Variants in PTPRC observed in about 807,000 individuals in gnomAD.
PTPRC encodes receptor-type tyrosine-protein phosphatase C.
A neutral mutation model predicts 155.9 loss-of-function variants in PTPRC; 44 were observed. That is an observed-to-expected ratio of 0.28 (90% confidence interval 0.22 to 0.36). PTPRC has a LOEUF of 0.36. Ranked by LOEUF, PTPRC falls within the 10% of genes least tolerant of loss-of-function variation. The pLI is 1.00. For synonymous variants in PTPRC, 525 were observed against 533.1 expected (o/e 0.98, Z 0.21); for missense variants, 1,401 against 1,564.6 (o/e 0.90, Z 1.76).
intron 29 of PTPRC, among the ~76,000 whole-genome samples, chr1:198,751,352 G>T (rs923609338): frequency 4.6e-5 from 7 of 151,562 alleles, no homozygotes; most frequent in Non-Finnish European, 1.5e-5. Context: ...CCTGGTGGTA[G>T]ATCTCACTCA....
intron 3 of PTPRC, chr1:198,692,672 A>G (rs550625564): frequency 2.1e-6 from 2 of 946,626 alleles, no homozygotes; most frequent in South Asian, 4.9e-5. Flanking sequence ...TTTTAAGACT[A>G]TAAAAAAATG....
intron 2 of PTPRC, among the ~76,000 whole-genome samples, chr1:198,642,354 G>GTCAA (rs1007418078): frequency 3.9e-5 from 4 of 103,530 alleles, no homozygotes; most frequent in African/African-American, 1.1e-4. Context: ...ATATATACTA[G>GTCAA]TCAATCTATC....
chr1:198,698,365 T>C (rs1666307154), intron 4 of PTPRC, among the ~76,000 whole-genome samples: 1 of 152,174 alleles, frequency 6.6e-6, no homozygotes, highest in African/African-American at 2.4e-5. Flanking sequence ...AAAAACACAC[T>C]TTCTTTTCTA....
At chr1:198,740,581 CA>C (rs34564064) in intron 23 of PTPRC, among the ~76,000 whole-genome samples, 3 of 149,118 alleles carry the variant, frequency 2.0e-5, no homozygotes, top group African/African-American at 5.0e-5. Context: ...GACTTTATCT[CA>C]AAAAAAAAGA....
intron 2 of PTPRC, among the ~76,000 whole-genome samples, chr1:198,652,972 T>C (rs1663339503): frequency 6.6e-6 from 1 of 151,790 alleles, no homozygotes. Flanking sequence ...AGATACAATA[T>C]AAGAAGTACT....
chr1:198,712,270 C>T (rs985434590), intron 11 of PTPRC, among the ~76,000 whole-genome samples: 2 of 152,132 alleles, frequency 1.3e-5, no homozygotes, highest in Middle Eastern at 3.2e-3. Flanking sequence ...TATTTACATG[C>T]AATGGGTAAA....
intron 2 of PTPRC, among the ~76,000 whole-genome samples, chr1:198,665,528 GA>G (rs752737422): frequency 6.6e-6 from 1 of 152,156 alleles, no homozygotes; most frequent in Non-Finnish European, 1.5e-5. Context: ...CATATACAGA[GA>G]AGTTTTGCAA....
At chr1:198,711,739 A>G (rs1307801562) in intron 11 of PTPRC, among the ~76,000 whole-genome samples, 5 of 152,218 alleles carry the variant, frequency 3.3e-5, no homozygotes, top group Non-Finnish European at 4.4e-5. Flanking sequence ...AAGTTTTTCC[A>G]GAATATACAG....
At chr1:198,674,488 G>A (rs1664828686) in intron 2 of PTPRC, among the ~76,000 whole-genome samples, 1 of 148,870 alleles carries the variant, frequency 6.7e-6, no homozygotes, top group Non-Finnish European at 1.5e-5. Context: ...CATTATGACT[G>A]TACAATAATA....
Position 198,756,198 on chromosome 1 carries a change from G to A in PTPRC, c.*17G>A. 5.0e-6 allele frequency: 8 copies of A among 1,612,558 alleles called. No homozygotes were observed. Among genetic ancestry groups the A allele is most frequent in the Non-Finnish European group, 6.8e-6 (8 of 1,179,290 alleles). ...GGTTCATAGGAAAAGACATAAATGA[G>A]GAAACTCCAAACCTCCTGTTAGCTG... On this transcript the variant is annotated 3_prime_UTR_variant, in exon 33 of 33. Transcript: ENST00000442510.
At chr1:198,707,128 G>A (rs1390658395) in intron 9 of PTPRC, among the ~76,000 whole-genome samples, 176 bp downstream of exon 9, 9 of 152,122 alleles carry the variant, frequency 5.9e-5, no homozygotes, top group Admixed American at 2.6e-4. Context: ...AAATGATAGA[G>A]TCAAATAAGC....
intron 2 of PTPRC, among the ~76,000 whole-genome samples, chr1:198,685,369 T>C (rs1283113404): frequency 1.3e-5 from 2 of 151,754 alleles, no homozygotes; most frequent in Non-Finnish European, 2.9e-5. Flanking sequence ...CTGGGATGCT[T>C]AAAAGAAAAA....
rs367919949 is a variant in PTPRC at position 198,662,282 on chromosome 1, T to C, written c.73+22941T>C. ...ACTCTTCTAATTCTTAACAACTTTA[T>C]AATGTATATGTATTTCTTATTCTTA... On this transcript the variant is annotated intron_variant, in intron 2 of 32. Coordinates refer to ENST00000442510, the MANE Select transcript of PTPRC (RefSeq NM_002838.5). Among the ~76,000 whole-genome samples, 14 of 152,338 alleles carry C rather than the reference T, an allele frequency of 9.2e-5. No homozygotes were observed. In the East Asian group the frequency reaches 2.1e-3, roughly 23 times the overall value.
intron 14 of PTPRC, 26 bp from the exon 15 acceptor site, chr1:198,722,390 T>C: frequency 4.5e-6 from 6 of 1,324,636 alleles, no homozygotes; most frequent in Non-Finnish European, 6.0e-6. Context: ...AAACTAATTA[T>C]TTTATTTTTT....
intron 3 of PTPRC, chr1:198,694,098 A>C: frequency 6.5e-7 from 1 of 1,548,676 alleles, no homozygotes; most frequent in Non-Finnish European, 8.7e-7. Context: ...TTCAGCCTTC[A>C]GTTGGTGGCC....
At chr1:198,751,257 T>C (rs1409515570) in intron 29 of PTPRC, among the ~76,000 whole-genome samples, 2 of 152,076 alleles carry the variant, frequency 1.3e-5, no homozygotes, top group East Asian at 1.9e-4. Flanking sequence ...AAGGTGAATC[T>C]AAGCTATAAT....
intron 23 of PTPRC, among the ~76,000 whole-genome samples, chr1:198,738,442 T>C (rs551631629): frequency 2.6e-5 from 4 of 151,982 alleles, no homozygotes; most frequent in Middle Eastern, 3.4e-3. Context: ...TGATATAATG[T>C]ATCACAATAA....
intron 10 of PTPRC, 152 bp from the exon 11 acceptor site, chr1:198,709,535 T>G: frequency 2.8e-6 from 2 of 701,826 alleles, no homozygotes; most frequent in Admixed American, 8.4e-5. Context: ...ATGTAAAAAT[T>G]ATTTTTAGGG....
At chr1:198,681,355 CAT>C (rs1254370988) in intron 2 of PTPRC, among the ~76,000 whole-genome samples, 2 of 152,192 alleles carry the variant, frequency 1.3e-5, no homozygotes, top group African/African-American at 4.8e-5. Context: ...TGTTTCTACA[CAT>C]GTCTGTTTTT....
Sources: allele counts gnomAD v4.1 joint callset (sites outside exome capture counted in the v4.1 genomes callset), GRCh38; gene constraint gnomAD v4.1.1; transcripts MANE v1.5; gene names NCBI Gene and HGNC (gene_info 2026-07-23, HGNC 2026-07-21).